SHISA9: variants seen among roughly 807,000 people sequenced by gnomAD.
SHISA9 encodes protein shisa-9.
In SHISA9, 13 loss-of-function variants were observed where a neutral mutation model predicts 38.0. That is an observed-to-expected ratio of 0.34 (90% CI 0.22 to 0.54). The LOEUF is 0.54. SHISA9 is among the 20% of genes least tolerant of loss of function. SHISA9 has a pLI of 0.91. For synonymous variants in SHISA9, 275 were observed against 242.0 expected (o/e 1.14, Z -1.27); for missense variants, 538 against 575.8 (o/e 0.93, Z 0.67).
intron 1 of SHISA9, chr16:12,911,294 C>T (rs2071180043): frequency 2.0e-6 from 2 of 985,410 alleles, no homozygotes; most frequent in Non-Finnish European, 2.4e-6. Flanking sequence ...GTGCCGCAAA[C>T]AAACGCCAAA....
chr16:13,397,561 A>C, the SHISA9 span, among the ~76,000 whole-genome samples: 1 of 152,070 alleles, frequency 6.6e-6, no homozygotes, highest in African/African-American at 2.4e-5. Flanking sequence ...CAGCCTCCTG[A>C]GTAACTGGAA....
At chr16:13,335,192 G>A in the SHISA9 span, among the ~76,000 whole-genome samples, 5 of 152,188 alleles carry the variant, frequency 3.3e-5, no homozygotes, top group Admixed American at 1.3e-4. Context: ...CCTATCTTCA[G>A]GCCTAGTCAG....
chr16:13,354,524 G>A, the SHISA9 span, among the ~76,000 whole-genome samples: 4 of 150,636 alleles, frequency 2.7e-5, no homozygotes, highest in Non-Finnish European at 4.4e-5. Context: ...AGGAGCCAGG[G>A]AGCAGAAAGT....
At chr16:13,098,196 G>T (rs1250160188) in intron 2 of SHISA9, among the ~76,000 whole-genome samples, 1 of 152,112 alleles carries the variant, frequency 6.6e-6, no homozygotes, top group Admixed American at 6.6e-5. Context: ...TCAGATCCTG[G>T]CTATGACACT....
At chr16:13,419,102 C>CA in the SHISA9 span, among the ~76,000 whole-genome samples, 1 of 152,288 alleles carries the variant, frequency 6.6e-6, no homozygotes, top group Non-Finnish European at 1.5e-5. Flanking sequence ...TTACACTTTA[C>CA]AAAACTTTTA....
intron 2 of SHISA9, among the ~76,000 whole-genome samples, chr16:12,966,980 G>C (rs932525555): frequency 6.6e-6 from 1 of 152,070 alleles, no homozygotes; most frequent in African/African-American, 2.4e-5. Flanking sequence ...ATGATCTCTG[G>C]GGAGGTCCAG....
At chr16:13,526,420 G>T in the SHISA9 span, among the ~76,000 whole-genome samples, 1 of 152,166 alleles carries the variant, frequency 6.6e-6, no homozygotes, top group African/African-American at 2.4e-5. Flanking sequence ...GTCTTGCTCT[G>T]TTGCCCAGGC....
At chr16:13,364,056 A>T in the SHISA9 span, among the ~76,000 whole-genome samples, 1 of 152,234 alleles carries the variant, frequency 6.6e-6, no homozygotes, top group Non-Finnish European at 1.5e-5. Context: ...GAGCTAAGAA[A>T]CAACGAGAAA....
chr16:13,473,349 C>CTTTTTT, the SHISA9 span, among the ~76,000 whole-genome samples: 66 of 73,896 alleles, frequency 8.9e-4, no homozygotes, highest in African/African-American at 1.3e-3. Flanking sequence ...TTCTTTCTTT[C>CTTTTTT]TTTTTTTTTT....
the SHISA9 span, among the ~76,000 whole-genome samples, chr16:13,501,037 C>A: frequency 1.3e-5 from 2 of 152,188 alleles, no homozygotes; most frequent in Non-Finnish European, 2.9e-5. Flanking sequence ...GGTGCACTTT[C>A]ATTGACAGTA....
chr16:13,452,281 A>G, the SHISA9 span, among the ~76,000 whole-genome samples: 1 of 152,236 alleles, frequency 6.6e-6, no homozygotes, highest in African/African-American at 2.4e-5. Flanking sequence ...ACATGAATTA[A>G]GTAAATCATT....
the SHISA9 span, among the ~76,000 whole-genome samples, chr16:13,403,008 C>T: frequency 6.6e-6 from 1 of 151,992 alleles, no homozygotes; most frequent in Admixed American, 6.6e-5. Context: ...GTCCCGGTTA[C>T]TCAGGAGGCT....
chr16:12,913,486 T>G (rs1459679620), intron 1 of SHISA9, among the ~76,000 whole-genome samples: 1 of 152,234 alleles, frequency 6.6e-6, no homozygotes, highest in African/African-American at 2.4e-5. Context: ...TGTGAACCAC[T>G]GCAACCAGCC....
At chr16:12,916,846 C>A in intron 2 of SHISA9, 31 bp downstream of exon 2, 1 of 1,547,422 alleles carries the variant, frequency 6.5e-7, no homozygotes, top group South Asian at 1.2e-5. Context: ...CATTTCCAGT[C>A]CCATGGGGTG....
At chr16:13,394,054 GA>G in the SHISA9 span, among the ~76,000 whole-genome samples, 2 of 152,218 alleles carry the variant, frequency 1.3e-5, no homozygotes, top group Non-Finnish European at 2.9e-5. Context: ...TGCCTTGGCG[GA>G]TGGAACTTGA....
Position 13,238,992 on chromosome 16 carries a change from C to G in SHISA9, c.*3583C>G, listed in dbSNP as rs1217424210. The G allele has an allele frequency of 2.9e-5, 3 of 104,578 alleles. No homozygotes were observed. The highest frequency in any genetic ancestry group is 9.2e-4 in the South Asian group (2 of 2,180). The allele number at this position is 104,578 out of a possible 1,614,324, so 6.5% of individuals were successfully genotyped here. On this transcript the variant is annotated 3_prime_UTR_variant, in exon 5 of 5. Transcript: ENST00000558583. ...TAATGCTATCCCTCCCCCCTCCCCC[C>G]ACCCCACAACAGTCCCCAGAGTGTG...
chr16:12,997,625 C>T (rs1040748220), intron 2 of SHISA9, among the ~76,000 whole-genome samples: 4 of 151,936 alleles, frequency 2.6e-5, no homozygotes, highest in Non-Finnish European at 4.4e-5. Context: ...AGGCTGGTCT[C>T]GATCTCCTGA....
the SHISA9 span, among the ~76,000 whole-genome samples, chr16:13,562,060 T>G: frequency 6.6e-6 from 1 of 152,174 alleles, no homozygotes; most frequent in Non-Finnish European, 1.5e-5. Flanking sequence ...TTTCTCCACA[T>G]TGAGGGGAAG....
chr16:13,245,758 A>G, the SHISA9 span, among the ~76,000 whole-genome samples: 1 of 152,166 alleles, frequency 6.6e-6, no homozygotes, highest in African/African-American at 2.4e-5. Context: ...TAAAACTGAT[A>G]GTATTAAATG....
Sources: allele counts gnomAD v4.1 joint callset (sites outside exome capture counted in the v4.1 genomes callset), GRCh38; gene constraint gnomAD v4.1.1; transcripts MANE v1.5; gene names NCBI Gene and HGNC (gene_info 2026-07-23, HGNC 2026-07-21).